The following FDFT1 variants were observed in gnomAD, a reference collection of about 807,000 sequenced individuals.
FDFT1 encodes farnesyl-diphosphate farnesyltransferase 1.
In FDFT1, 68 loss-of-function variants were observed where a neutral mutation model predicts 46.8. That is an observed-to-expected ratio of 1.45 (90% CI 1.19 to 1.78). The LOEUF is 1.78. Ranked by LOEUF, FDFT1 falls within the 40% of genes most tolerant of loss-of-function variation. FDFT1 has a pLI of 0.00. For missense variants in FDFT1, 928 were observed against 524.4 expected (o/e 1.77, Z -7.52); for synonymous variants, 351 against 185.1 (o/e 1.90, Z -7.28).
intron 1 of FDFT1, among the ~76,000 whole-genome samples, chr8:11,806,407 T>A (rs1357268879): frequency 6.6e-6 from 1 of 152,166 alleles, no homozygotes; most frequent in Non-Finnish European, 1.5e-5. Flanking sequence ...CTTGGTGATT[T>A]GAAGAAACCT....
intron 4 of FDFT1, among the ~76,000 whole-genome samples, chr8:11,822,682 C>T (rs1489566540): frequency 6.6e-6 from 1 of 152,040 alleles, no homozygotes; most frequent in African/African-American, 2.4e-5. Context: ...GAATTGGTGG[C>T]ATGTGCCTGT....
chr8:11,799,771 C>T (rs533815720), upstream of FDFT1, among the ~76,000 whole-genome samples: 1 of 151,914 alleles, frequency 6.6e-6, no homozygotes, highest in African/African-American at 2.4e-5. Flanking sequence ...CATGGTGAAA[C>T]CCTGTCTCAA....
At position 11,808,834 on chromosome 8, in the gene FDFT1, T is replaced by A; in HGVS notation, c.140T>A (p.Leu47His). 1 of 1,614,030 alleles carries A rather than the reference T, an allele frequency of 6.2e-7. No individual in the cohort carries two copies. The highest frequency in any genetic ancestry group is 8.5e-7 in the Non-Finnish European group (1 of 1,179,984). ...AGCCTGAAAACTTGCTACAAGTATCTCAATCAGACCAGTCGCAGTTTCGCA... is the reference window on the plus strand; with the variant it reads ...AGCCTGAAAACTTGCTACAAGTATCACAATCAGACCAGTCGCAGTTTCGCA... ...SSSLKTCYKY[L>H]NQTSRSFAAV... is the part of the protein sequence containing the mutation. Residue 47 changes from leucine (L) to histidine (H), a missense_variant, in exon 2 of 8, where the codon CTC (leucine) becomes CAC (histidine). Leu to His is a moderately conservative substitution (Grantham distance 99). Transcript: ENST00000220584.
At chr8:11,828,695 T>C (rs572298402) in intron 5 of FDFT1, among the ~76,000 whole-genome samples, 54 of 152,328 alleles carry the variant, frequency 3.5e-4, no homozygotes, top group Middle Eastern at 3.4e-3. Flanking sequence ...GTGAATAAAA[T>C]GAGATGAACT....
At chr8:11,815,860 T>A (rs1011090899) in intron 3 of FDFT1, among the ~76,000 whole-genome samples, 1 of 152,234 alleles carries the variant, frequency 6.6e-6, no homozygotes, top group African/African-American at 2.4e-5. Flanking sequence ...GTGCAGAAGC[T>A]CTTTAGTTGA....
intron 5 of FDFT1, among the ~76,000 whole-genome samples, chr8:11,826,773 C>G (rs1375628948): frequency 6.6e-6 from 1 of 152,188 alleles, no homozygotes; most frequent in Non-Finnish European, 1.5e-5. Context: ...TCAGATTGTG[C>G]CACTGCACTC....
At chr8:11,811,072 G>C (rs1352028454) in intron 3 of FDFT1, among the ~76,000 whole-genome samples, 1 of 151,826 alleles carries the variant, frequency 6.6e-6, no homozygotes, top group African/African-American at 2.4e-5. Context: ...GAAGAAAATA[G>C]CTGAAGAATA....
At chr8:11,820,954 C>T (rs1023030917) in intron 3 of FDFT1, among the ~76,000 whole-genome samples, 1 of 152,238 alleles carries the variant, frequency 6.6e-6, no homozygotes, top group African/African-American at 2.4e-5. Flanking sequence ...CTGCATCGAT[C>T]TTGCTGGGAG....
At chr8:11,830,833 G>T (rs73549729) in intron 6 of FDFT1, among the ~76,000 whole-genome samples, 22,656 of 152,120 alleles carry the variant, frequency 0.15, 1,843 homozygotes, top group African/African-American at 0.18. Context: ...AACCTGGTCC[G>T]GTAGACCTAG....
At chr8:11,809,016 C>T (rs1807323687) in intron 2 of FDFT1, 125 bp downstream of exon 2, 4 of 1,430,352 alleles carry the variant, frequency 2.8e-6, no homozygotes, top group Non-Finnish European at 1.9e-6. Flanking sequence ...TTATCCAGAA[C>T]ATAGCCCGGC....
At chr8:11,804,514 G>C (rs879512281) in intron 1 of FDFT1, among the ~76,000 whole-genome samples, 2 of 151,614 alleles carry the variant, frequency 1.3e-5, no homozygotes, top group Non-Finnish European at 2.9e-5. Flanking sequence ...ATCCCCATGA[G>C]CCGTTAAAAA....
At chr8:11,831,491 T>C in intron 6 of FDFT1, 27 bp from the exon 7 acceptor site, 4 of 1,601,864 alleles carry the variant, frequency 2.5e-6, no homozygotes, top group Non-Finnish European at 3.4e-6. Flanking sequence ...ATTTCTTCTT[T>C]TTTCCCTCTC....
chr8:11,830,867 C>T (rs929151063), intron 6 of FDFT1, among the ~76,000 whole-genome samples: 4 of 152,304 alleles, frequency 2.6e-5, no homozygotes, highest in East Asian at 1.9e-4. Context: ...TAGGAACTTA[C>T]ACTTTTTAGT....
Position 11,821,785 on chromosome 8 carries a change from C to A in FDFT1, c.417C>A (p.Tyr139Ter), listed in dbSNP as rs1209051962. The change falls in exon 4 of 8, where the codon TAC becomes TAA. Residue 139 changes from tyrosine to a stop codon, truncating the protein, a stop_gained. Coordinates refer to ENST00000220584, the MANE Select transcript of FDFT1 (RefSeq NM_004462.5). LOFTEE classifies it high-confidence loss of function. ...AGTTTAGAAATCTGGCTGAGAAATA[C>A]CAAACAGTGATTGCCGACATTTGCC... ...SLEFRNLAEK[Y>*]QTVIADICRR... 6.2e-7 allele frequency: 1 copy of A among 1,613,512 alleles called. No homozygotes were observed. Among genetic ancestry groups the A allele is most frequent in the Non-Finnish European group, 8.5e-7 (1 of 1,179,592 alleles).
upstream of FDFT1, among the ~76,000 whole-genome samples, chr8:11,801,381 G>T (rs1306466380): frequency 6.6e-6 from 1 of 152,170 alleles, no homozygotes; most frequent in Admixed American, 6.5e-5. Flanking sequence ...GTGCAATAGC[G>T]CGATCTCAGC....
At chr8:11,808,088 G>C (rs1474643343) in intron 1 of FDFT1, 2 of 207,710 alleles carry the variant, frequency 9.6e-6, no homozygotes, top group African/African-American at 2.3e-5. Context: ...CGGCTGTCTA[G>C]GGTGATCAGA....
At chr8:11,807,723 C>G (rs1176998206) in intron 1 of FDFT1, among the ~76,000 whole-genome samples, 3 of 152,236 alleles carry the variant, frequency 2.0e-5, no homozygotes. Context: ...GGTCAGTGCG[C>G]TGCATTGCAT....
intron 2 of FDFT1, 127 bp from the exon 3 acceptor site, chr8:11,809,540 A>G: frequency 7.7e-7 from 1 of 1,291,062 alleles, no homozygotes; most frequent in Non-Finnish European, 1.0e-6. Context: ...AAAGCGTTGG[A>G]TATCCTTATA....
intron 5 of FDFT1, 82 bp downstream of exon 5, chr8:11,826,297 C>G (rs1236033175): frequency 1.8e-6 from 2 of 1,127,862 alleles, no homozygotes; most frequent in East Asian, 4.9e-5. Flanking sequence ...TTGCGGGTGA[C>G]AGAAAAACAA....
Sources: gnomAD v4.1 joint callset for allele counts (sites outside exome capture counted in the v4.1 genomes callset) on GRCh38, gnomAD v4.1.1 for gene constraint, MANE v1.5 for transcripts, NCBI Gene and HGNC (gene_info 2026-07-23, HGNC 2026-07-21) for gene names.